IGSF21: variants seen among roughly 807,000 people sequenced by gnomAD.
IGSF21 encodes immunoglobin superfamily member 21, also known as immunoglobulin superfamily member 21.
In IGSF21, 28 loss-of-function variants were observed where a neutral mutation model predicts 46.8. The observed-to-expected ratio is 0.60, with a 90% CI of 0.44 to 0.82. IGSF21 has a LOEUF of 0.82. Among genes scored for constraint, IGSF21 ranks in the 40% least tolerant of loss-of-function variants. The probability of loss-of-function intolerance (pLI) is 0.00; values close to 1 mark genes in which losing one functional copy is unlikely to be tolerated. For synonymous variants in IGSF21, 284 were observed against 273.6 expected (o/e 1.04, Z -0.38); for missense variants, 624 against 665.5 (o/e 0.94, Z 0.69).
At chr1:18,344,278 C>T (rs1256557714) in intron 4 of IGSF21, among the ~76,000 whole-genome samples, 1 of 152,198 alleles carries the variant, frequency 6.6e-6, no homozygotes, top group Admixed American at 6.5e-5. Flanking sequence ...AAGCAATCCT[C>T]CTGCCTCAGC....
In IGSF21 at chr1:18,214,887, G is replaced by T. The variant is rs530878394; in HGVS notation, c.71-13011G>T. Among the ~76,000 whole-genome samples the T allele has an allele frequency of 2.0e-5, 3 of 152,226 alleles. No homozygotes were observed. In the East Asian group the frequency reaches 5.8e-4, roughly 29 times the overall value. On this transcript the variant is annotated intron_variant, in intron 1 of 9. Coordinates refer to ENST00000251296, the MANE Select transcript of IGSF21 (RefSeq NM_032880.5). ...CTCCCAAGTAGCTGGGACTACAGGT[G>T]CACGCCACCACACCAAGCTAATTTT...
At chr1:18,201,224 G>A (rs1012002947) in intron 1 of IGSF21, among the ~76,000 whole-genome samples, 2 of 152,144 alleles carry the variant, frequency 1.3e-5, no homozygotes, top group African/African-American at 4.8e-5. Flanking sequence ...GACTGAGCGC[G>A]TGCTCAGGGA....
chr1:18,362,117 C>T lies in IGSF21; in HGVS notation c.427C>T (p.Pro143Ser). Residue 143 changes from proline to serine, a missense_variant and splice_region_variant, in exon 5 of 10, where the codon CCT becomes TCT. Transcript: ENST00000251296. Reference sequence around the variant, plus strand: ...TCCTGTGCTTCCTTTTGGGGCAGCTCCTCCCACCTCCATTGAAGTGGTGGC... The same window carrying T: ...TCCTGTGCTTCCTTTTGGGGCAGCTTCTCCCACCTCCATTGAAGTGGTGGC... ...SGNIFLNVMA[P>S]PTSIEVVAAD... 1 of 1,605,260 alleles carries T rather than the reference C, an allele frequency of 6.2e-7. No homozygotes were observed. The highest frequency in any genetic ancestry group is 8.5e-7 in the Non-Finnish European group (1 of 1,174,952).
chr1:18,354,834 T>G (rs2085997901), intron 4 of IGSF21, among the ~76,000 whole-genome samples: 1 of 152,062 alleles, frequency 6.6e-6, no homozygotes, highest in Non-Finnish European at 1.5e-5. Flanking sequence ...AGAGATAATA[T>G]AATTAAAGCT....
At chr1:18,120,370 C>G (rs1025273786) in intron 1 of IGSF21, among the ~76,000 whole-genome samples, 1 of 152,186 alleles carries the variant, frequency 6.6e-6, no homozygotes, top group African/African-American at 2.4e-5. Flanking sequence ...CAACTTTACC[C>G]TCTTCCTGCC....
chr1:18,376,708 G>C, intron 7 of IGSF21, 92 bp from the exon 8 acceptor site: 1 of 1,259,560 alleles, frequency 7.9e-7, no homozygotes, highest in Non-Finnish European at 1.1e-6. Context: ...TGAGAATGCT[G>C]TGCCACCCCT....
chr1:18,247,413 T>A (rs1401869512), intron 2 of IGSF21, among the ~76,000 whole-genome samples: 1 of 152,126 alleles, frequency 6.6e-6, no homozygotes, highest in Non-Finnish European at 1.5e-5. Flanking sequence ...TTTGTTGCCC[T>A]GGGTGGTGGC....
intron 4 of IGSF21, among the ~76,000 whole-genome samples, chr1:18,345,655 A>G (rs762347151): frequency 9.2e-5 from 14 of 152,212 alleles, no homozygotes; most frequent in Non-Finnish European, 2.1e-4. Flanking sequence ...AGTTGCTAGG[A>G]TTACAGGTGT....
At chr1:18,119,873 C>T (rs1014061980) in intron 1 of IGSF21, among the ~76,000 whole-genome samples, 23 of 152,036 alleles carry the variant, frequency 1.5e-4, no homozygotes, top group African/African-American at 5.3e-4. Context: ...AAAAAAATGG[C>T]TTTATTTAAG....
intron 1 of IGSF21, among the ~76,000 whole-genome samples, chr1:18,121,520 G>A (rs1252466661): frequency 6.6e-6 from 1 of 152,096 alleles, no homozygotes; most frequent in Admixed American, 6.5e-5. Flanking sequence ...TTACCCATTT[G>A]GTGCTTTGCT....
chr1:18,283,060 C>T (rs929752560), intron 2 of IGSF21, among the ~76,000 whole-genome samples: 1 of 152,204 alleles, frequency 6.6e-6, no homozygotes, highest in East Asian at 1.9e-4. Context: ...GCACACACCT[C>T]CTCACACTTG....
At chr1:18,193,561 A>G (rs1258259382) in intron 1 of IGSF21, among the ~76,000 whole-genome samples, 1 of 152,140 alleles carries the variant, frequency 6.6e-6, no homozygotes, top group African/African-American at 2.4e-5. Context: ...TGGGAGAAAG[A>G]TGTAGGCTGG....
At position 18,365,463 on chromosome 1, in the gene IGSF21, A is replaced by G; in HGVS notation, c.781A>G (p.Thr261Ala). 2 of 1,613,818 alleles carry G rather than the reference A, an allele frequency of 1.2e-6. No homozygotes were observed. The highest frequency in any genetic ancestry group is 1.7e-6 in the Non-Finnish European group (2 of 1,179,942). ...AGATCCCAACATCCTCCTCCAGCCAACCACAGAGAACATACCAGAGACGGT... is the reference window on the plus strand; with the variant it reads ...AGATCCCAACATCCTCCTCCAGCCAGCCACAGAGAACATACCAGAGACGGT... The part of the protein sequence containing the change: ...TPDPNILLQP[T>A]TENIPETVVS... The change falls in exon 6 of 10, where the codon ACC (threonine) becomes GCC (alanine). Residue 261 changes from threonine to alanine, a missense_variant. Transcript: ENST00000251296. The surrounding 1 kb of genome is among the most constrained non-coding windows in gnomAD (Gnocchi z 4.8).
chr1:18,236,937 G>A (rs887382536), intron 2 of IGSF21, among the ~76,000 whole-genome samples: 1 of 152,174 alleles, frequency 6.6e-6, no homozygotes, highest in African/African-American at 2.4e-5. Context: ...AGAGTGGGCT[G>A]AGGGGTGCAT....
At chr1:18,251,915 T>C (rs893565371) in intron 2 of IGSF21, among the ~76,000 whole-genome samples, 8 of 152,158 alleles carry the variant, frequency 5.3e-5, no homozygotes, top group Non-Finnish European at 1.0e-4. Flanking sequence ...CACTACACAA[T>C]AGCTCTTATT....
intron 2 of IGSF21, among the ~76,000 whole-genome samples, chr1:18,268,408 G>A (rs1455588868): frequency 6.6e-6 from 1 of 152,168 alleles, no homozygotes; most frequent in Non-Finnish European, 1.5e-5. Context: ...TTCTCCTTTG[G>A]CATTTGGCAA....
intron 3 of IGSF21, among the ~76,000 whole-genome samples, chr1:18,318,786 A>T (rs1000817183): frequency 6.6e-6 from 1 of 152,166 alleles, no homozygotes; most frequent in Non-Finnish European, 1.5e-5. Flanking sequence ...TTTAATTAAA[A>T]CTATGTTTTT....
At chr1:18,249,630 C>T (rs372244412) in intron 2 of IGSF21, among the ~76,000 whole-genome samples, 12 of 152,316 alleles carry the variant, frequency 7.9e-5, no homozygotes, top group South Asian at 4.1e-4. Flanking sequence ...TCTCTCACCC[C>T]GCTGTGCCTA....
At chr1:18,250,014 C>T (rs1209279222) in intron 2 of IGSF21, among the ~76,000 whole-genome samples, 3 of 151,698 alleles carry the variant, frequency 2.0e-5, no homozygotes, top group Non-Finnish European at 4.4e-5. Flanking sequence ...GCCCCAGTGC[C>T]CAACATGGTC....
Sources: gnomAD v4.1 joint callset for allele counts (sites outside exome capture counted in the v4.1 genomes callset) on GRCh38, gnomAD v4.1.1 for gene constraint, Gnocchi (gnomAD v3.1) non-coding constraint, MANE v1.5 for transcripts, NCBI Gene and HGNC (gene_info 2026-07-23, HGNC 2026-07-21) for gene names.